The following PCLO variants were observed in gnomAD, a reference collection of about 807,000 sequenced individuals.
PCLO encodes the protein protein piccolo.
In PCLO, 82 loss-of-function variants were observed where a neutral mutation model predicts 427.5. That is an observed-to-expected ratio of 0.19 (90% CI 0.16 to 0.23). The LOEUF is 0.23. Ranked by LOEUF, PCLO falls within the 10% of genes least tolerant of loss-of-function variation. The pLI is 1.00. For synonymous variants in PCLO, 2,357 were observed against 2,155.4 expected, an observed-to-expected ratio of 1.09 and a Z score of -2.59; for missense variants, 6,239 against 6,115.9, an observed-to-expected ratio of 1.02 and a Z score of -0.67.
chr7:82,954,677 T>C lies in PCLO; in HGVS notation c.6276A>G (p.Thr2092=), dbSNP rs1201318260. Residue 2092 remains threonine, a synonymous_variant, in exon 5 of 25, where the codon ACA becomes ACG. Coordinates refer to ENST00000333891, the MANE Select transcript of PCLO (RefSeq NM_033026.6). The part of the protein sequence containing the change: ...PTQAPIGEDM[T]ESTMDFDRMP... ...TTCTGTCAAAGTCCATGGTGGACTC[T>C]GTCATATCCTCACCAATGGGGGCCT... is the stretch of plus-strand genomic sequence containing the variant. The C allele has an allele frequency of 1.9e-6, 3 of 1,613,926 alleles. No homozygotes were observed. Among genetic ancestry groups the C allele is most frequent in the East Asian group, 4.5e-5 (2 of 44,870 alleles).
chr7:82,915,893 T>A lies in PCLO; in HGVS notation c.12093A>T (p.Ala4031=). The change falls in exon 7 of 25, where the codon GCA becomes GCT. Residue 4031 remains alanine (A), a synonymous_variant. Coordinates refer to ENST00000333891, the MANE Select transcript of PCLO (RefSeq NM_033026.6). Reference sequence around the variant, plus strand: ...GATCAATATCTGCATAGAAAGAATCTGCAGATATGCTTGATATTGGACTGC... The same window carrying A: ...GATCAATATCTGCATAGAAAGAATCAGCAGATATGCTTGATATTGGACTGC... The part of the protein sequence containing the change: ...MASSPISSIS[A]DSFYADIDHH... The A allele has an allele frequency of 6.2e-7, 1 of 1,613,582 alleles. No individual in the cohort carries two copies.
At chr7:82,887,803 C>A (rs1584103558) in intron 9 of PCLO, among the ~76,000 whole-genome samples, 1 of 150,778 alleles carries the variant, frequency 6.6e-6, no homozygotes, top group African/African-American at 2.5e-5. Context: ...CTAAGCAAGG[C>A]TTACAATGAA....
At chr7:83,124,759 C>CCTCTCCCTCGTCTCCCT (rs1374896298) in intron 3 of PCLO, among the ~76,000 whole-genome samples, 5 of 152,048 alleles carry the variant, frequency 3.3e-5, no homozygotes, top group Non-Finnish European at 5.9e-5. Flanking sequence ...ACGGTCTCCC[C>CCTCTCCCTCGTCTCCCT]CTCTCCCTCG....
intron 6 of PCLO, among the ~76,000 whole-genome samples, chr7:82,926,849 T>C (rs1217784737): frequency 6.6e-6 from 1 of 152,080 alleles, no homozygotes; most frequent in Non-Finnish European, 1.5e-5. Context: ...AAGGTGAGCA[T>C]TTTTTGATAT....
chr7:83,162,877 G>A lies in PCLO; in HGVS notation c.-285C>T, dbSNP rs1394403292. ...CCTCGGCGCCCCGAGCCGGGGAGAA[G>A]CAGATCTGAGCGGTGCCAGCCGGGC... On this transcript the variant is annotated 5_prime_UTR_variant, in exon 1 of 25. Transcript: ENST00000333891. 3.0e-5 allele frequency: 14 copies of A among 462,266 alleles called. No individual in the cohort carries two copies. Among genetic ancestry groups the A allele is most frequent in the Non-Finnish European group, 5.3e-5 (14 of 262,072 alleles). The allele number at this position is 462,266 out of a possible 1,614,324, so 28.6% of individuals were successfully genotyped here.
Position 83,093,490 on chromosome 7 carries a change from A to AT in PCLO, c.3300+40759dup, listed in dbSNP as rs1339244676. On this transcript the variant is annotated intron_variant, in intron 3 of 24. Coordinates refer to ENST00000333891, the MANE Select transcript of PCLO (RefSeq NM_033026.6). ...TGTGTGTGTATAGATATATATATATATATTTTTTTTTTTTTTTTTTGAGAT... is the reference window on the plus strand; with the variant it reads ...TGTGTGTGTATAGATATATATATATATTATTTTTTTTTTTTTTTTTTGAGAT... 4.5e-3 allele frequency among the ~76,000 whole-genome samples: 294 copies of AT among 65,968 alleles called. 10 individuals are homozygous for AT. Among genetic ancestry groups the AT allele is most frequent in the South Asian group, 0.017 (38 of 2,274 alleles). The allele number at this position is 65,968 out of a possible 152,430, so 43.3% of individuals were successfully genotyped here.
chr7:82,890,397 T>C (rs1246142614), intron 9 of PCLO, among the ~76,000 whole-genome samples: 6 of 152,114 alleles, frequency 3.9e-5, no homozygotes, highest in Admixed American at 1.3e-4. Context: ...TTCAAGTATT[T>C]TGTAAGTTCT....
chr7:82,877,863 G>A (rs1793411830), intron 10 of PCLO, among the ~76,000 whole-genome samples: 1 of 152,012 alleles, frequency 6.6e-6, no homozygotes, highest in South Asian at 2.1e-4. Context: ...GTAGAGACAG[G>A]GTTTCTCCAT....
chr7:82,922,039 C>T (rs1025481653), intron 6 of PCLO, among the ~76,000 whole-genome samples: 4 of 151,968 alleles, frequency 2.6e-5, no homozygotes, highest in Non-Finnish European at 5.9e-5. Context: ...TACCATCCTA[C>T]ACCAGTCAGA....
chr7:83,087,521 T>C (rs2116423767), intron 3 of PCLO, among the ~76,000 whole-genome samples: 1 of 152,284 alleles, frequency 6.6e-6, no homozygotes, highest in East Asian at 1.9e-4. Context: ...CTATTTACAA[T>C]TATGTTCCTA....
chr7:82,861,151 GAT>G (rs1464113184), intron 10 of PCLO, among the ~76,000 whole-genome samples: 1 of 151,972 alleles, frequency 6.6e-6, no homozygotes. Flanking sequence ...TCGATCAAAA[GAT>G]ATAGAGTGGC....
intron 23 of PCLO, 50 bp downstream of exon 23, chr7:82,761,309 C>A: frequency 9.2e-7 from 1 of 1,085,166 alleles, no homozygotes; most frequent in South Asian, 1.5e-5. Flanking sequence ...ATGTAAGACA[C>A]ATCCCTAAAA....
At chr7:82,853,114 T>C (rs1366277265) in intron 10 of PCLO, among the ~76,000 whole-genome samples, 1 of 152,190 alleles carries the variant, frequency 6.6e-6, no homozygotes, top group Admixed American at 6.5e-5. Context: ...TTTACCCATT[T>C]ATAAAATTTT....
chr7:82,986,452 G>A (rs985616700), intron 3 of PCLO, among the ~76,000 whole-genome samples: 1 of 151,880 alleles, frequency 6.6e-6, no homozygotes, highest in African/African-American at 2.4e-5. Context: ...AACTATATTT[G>A]AGAATTAAGG....
At chr7:82,791,326 A>G (rs2129468411) in intron 22 of PCLO, among the ~76,000 whole-genome samples, 1 of 152,316 alleles carries the variant, frequency 6.6e-6, no homozygotes, top group Non-Finnish European at 1.5e-5. Flanking sequence ...ACTGCTACTT[A>G]GCATTCCATA....
At chr7:82,841,607 G>T in intron 13 of PCLO, 98 bp from the exon 14 acceptor site, 1 of 737,390 alleles carries the variant, frequency 1.4e-6, no homozygotes, top group South Asian at 1.7e-5. Flanking sequence ...TTTGGTCAGA[G>T]CAACTGCTTG....
chr7:83,121,544 G>T (rs1249652927), intron 3 of PCLO, among the ~76,000 whole-genome samples: 1 of 152,066 alleles, frequency 6.6e-6, no homozygotes, highest in Non-Finnish European at 1.5e-5. Context: ...AACACTGAAT[G>T]TAAATGGACT....
intron 3 of PCLO, among the ~76,000 whole-genome samples, chr7:83,110,637 A>T (rs1028197481): frequency 5.3e-5 from 8 of 152,166 alleles, no homozygotes; most frequent in African/African-American, 1.9e-4. Context: ...CTGTCCCTGA[A>T]ATATCTTCTG....
chr7:82,838,632 T>A (rs948289035), intron 14 of PCLO, among the ~76,000 whole-genome samples: 1 of 151,970 alleles, frequency 6.6e-6, no homozygotes, highest in Admixed American at 6.6e-5. Flanking sequence ...TTATCTTTTT[T>A]AATTAAATTG....
Sources: allele counts gnomAD v4.1 joint callset (sites outside exome capture counted in the v4.1 genomes callset), GRCh38; gene constraint gnomAD v4.1.1; transcripts MANE v1.5; gene names NCBI Gene and HGNC (gene_info 2026-07-23, HGNC 2026-07-21).